The following CSMD2 variants were observed in gnomAD, a reference collection of about 807,000 sequenced individuals.
CSMD2 encodes the protein CUB and sushi domain-containing protein 2.
A neutral mutation model predicts 398.5 loss-of-function variants in CSMD2; 130 were observed. The observed-to-expected ratio is 0.33, with a 90% CI of 0.28 to 0.38. The LOEUF (loss-of-function observed/expected upper bound fraction) is 0.38, where lower values mean the gene tolerates loss of function less well. CSMD2 is among the 10% of genes least tolerant of loss of function. CSMD2 has a pLI of 1.00. For synonymous variants in CSMD2, 1,828 were observed against 1,908.5 expected (o/e 0.96, Z 1.10); for missense variants, 3,829 against 4,764.9 (o/e 0.80, Z 5.78).
rs1557996294 is a variant in CSMD2, at chr1:33,847,008, G to C, written c.921-12C>G. 6.3e-7 allele frequency: 1 copy of C among 1,581,302 alleles called. No individual in the cohort carries two copies. Among genetic ancestry groups the C allele is most frequent in the Non-Finnish European group, 8.7e-7 (1 of 1,152,946 alleles). On this transcript the variant is annotated splice_polypyrimidine_tract_variant and intron_variant, in intron 5 of 70. Transcript: ENST00000373381. ...TGGCTCCGGTGAACCTGTGGGAACA[G>C]GAAGCAGATGGGCTCAGGGACCAGA...
intron 25 of CSMD2, among the ~76,000 whole-genome samples, chr1:33,677,764 A>G (rs1300559563): frequency 6.6e-6 from 1 of 152,000 alleles, no homozygotes; most frequent in Admixed American, 6.6e-5. Flanking sequence ...TACACCATGG[A>G]ATACTATGCA....
intron 10 of CSMD2, among the ~76,000 whole-genome samples, chr1:33,802,314 A>C (rs1050965165): frequency 6.6e-6 from 1 of 151,876 alleles, no homozygotes; most frequent in African/African-American, 2.4e-5. Context: ...TATTTCCCTT[A>C]CTCCTAGTTT....
intron 1 of CSMD2, among the ~76,000 whole-genome samples, chr1:34,157,961 G>A (rs894630614): frequency 6.6e-6 from 1 of 152,156 alleles, no homozygotes; most frequent in Non-Finnish European, 1.5e-5. Context: ...GGCCAAAGGG[G>A]TCTCACCTTC....
At chr1:34,127,278 A>G (rs1472649610) in intron 1 of CSMD2, among the ~76,000 whole-genome samples, 1 of 152,218 alleles carries the variant, frequency 6.6e-6, no homozygotes, top group Non-Finnish European at 1.5e-5. Context: ...GGCAAAGAAC[A>G]GGGCGGCAGC....
At chr1:33,758,510 C>A (rs140980296) in intron 13 of CSMD2, among the ~76,000 whole-genome samples, 3 of 152,178 alleles carry the variant, frequency 2.0e-5, no homozygotes, top group African/African-American at 7.2e-5. Context: ...TAGGAAAATA[C>A]TACAAAGAAT....
At chr1:33,749,167 G>A (rs953845907) in intron 13 of CSMD2, among the ~76,000 whole-genome samples, 25 of 132,750 alleles carry the variant, frequency 1.9e-4, no homozygotes, top group Non-Finnish European at 3.3e-4. Context: ...GCCTGATCTC[G>A]GCTCACTGCA....
intron 11 of CSMD2, among the ~76,000 whole-genome samples, chr1:33,790,837 CT>C (rs201018270): frequency 6.7e-5 from 10 of 150,034 alleles, no homozygotes; most frequent in Admixed American, 5.4e-4. Flanking sequence ...ATCTATCTAT[CT>C]ATCTATCATC....
chr1:33,821,791 G>A (rs1658185086), intron 7 of CSMD2, among the ~76,000 whole-genome samples: 1 of 152,184 alleles, frequency 6.6e-6, no homozygotes, highest in East Asian at 1.9e-4. Flanking sequence ...ACCACAGTGG[G>A]GAGGGATGAA....
intron 1 of CSMD2, among the ~76,000 whole-genome samples, chr1:34,147,941 G>A (rs892493768): frequency 1.3e-5 from 2 of 152,124 alleles, no homozygotes; most frequent in Non-Finnish European, 2.9e-5. Flanking sequence ...AGATGAGAAT[G>A]GCCCCAGGAC....
At chr1:33,940,423 C>G (rs1228785464) in intron 3 of CSMD2, among the ~76,000 whole-genome samples, 1 of 152,028 alleles carries the variant, frequency 6.6e-6, no homozygotes, top group Admixed American at 6.6e-5. Context: ...TAAAATTCAA[C>G]TTATAATACC....
chr1:33,791,780 G>A (rs990818698), intron 11 of CSMD2, among the ~76,000 whole-genome samples: 2 of 152,280 alleles, frequency 1.3e-5, no homozygotes, highest in East Asian at 1.9e-4. Context: ...ACACCACCAC[G>A]CTTGGCCTTT....
At chr1:33,770,850 C>T (rs1557867560) in intron 13 of CSMD2, among the ~76,000 whole-genome samples, 2 of 152,188 alleles carry the variant, frequency 1.3e-5, no homozygotes, top group Admixed American at 6.5e-5. Flanking sequence ...AGGCTGCCGG[C>T]CCTGCTTGTG....
intron 49 of CSMD2, among the ~76,000 whole-genome samples, chr1:33,574,645 T>C (rs1486935054): frequency 1.3e-5 from 2 of 152,078 alleles, no homozygotes; most frequent in Admixed American, 6.5e-5. Context: ...TGGGGCTCCA[T>C]TATGAATGGA....
chr1:33,896,287 A>G (rs1642381373), intron 5 of CSMD2, among the ~76,000 whole-genome samples: 2 of 152,014 alleles, frequency 1.3e-5, no homozygotes, highest in Non-Finnish European at 2.9e-5. Flanking sequence ...TTCTCAGCAC[A>G]GACTGTGTTC....
chr1:34,093,390 G>C (rs574800225), intron 1 of CSMD2, among the ~76,000 whole-genome samples: 1 of 152,174 alleles, frequency 6.6e-6, no homozygotes, highest in Non-Finnish European at 1.5e-5. Context: ...CACCAGCAAC[G>C]GAACAAAGCT....
At chr1:34,057,894 G>GTCGA in intron 2 of CSMD2, among the ~76,000 whole-genome samples, 1 of 152,186 alleles carries the variant, frequency 6.6e-6, no homozygotes, top group South Asian at 2.1e-4. Flanking sequence ...ACACATCTGA[G>GTCGA]CACTGGCAGG....
chr1:33,716,545 T>TAATGATAC, intron 19 of CSMD2, 44 bp from the exon 20 acceptor site: 1 of 1,426,700 alleles, frequency 7.0e-7, no homozygotes, highest in Non-Finnish European at 9.8e-7. Context: ...GCGAGATGGC[T>TAATGATAC]GGAGAACCTC....
At chr1:34,149,138 C>T (rs1327399591) in intron 1 of CSMD2, among the ~76,000 whole-genome samples, 1 of 152,214 alleles carries the variant, frequency 6.6e-6, no homozygotes, top group African/African-American at 2.4e-5. Flanking sequence ...TTCCTACCTT[C>T]ACAGCCCTAT....
chr1:33,606,420 G>A (rs1441308553), intron 41 of CSMD2, among the ~76,000 whole-genome samples: 2 of 152,222 alleles, frequency 1.3e-5, no homozygotes, highest in Non-Finnish European at 2.9e-5. Flanking sequence ...TCACGTGGCT[G>A]TGTTATGTTT....
Sources: gnomAD v4.1 joint callset for allele counts (sites outside exome capture counted in the v4.1 genomes callset) on GRCh38, gnomAD v4.1.1 for gene constraint, MANE v1.5 for transcripts, NCBI Gene and HGNC (gene_info 2026-07-23, HGNC 2026-07-21) for gene names.